COMMD10: variants seen among roughly 807,000 people sequenced by gnomAD.
The protein encoded by COMMD10 is COMM domain containing 10.
COMMD10 carries 33 observed loss-of-function variants against 28.9 expected under a neutral mutation model. The ratio of observed to expected loss-of-function variants is 1.14; its 90% CI spans 0.87 to 1.53. The LOEUF is 1.53. Among genes scored for constraint, COMMD10 ranks in the 40% most tolerant of loss-of-function variants. The pLI, the probability that COMMD10 is intolerant of heterozygous loss-of-function variation, is 0.00. For missense variants in COMMD10, 310 were observed against 233.4 expected (o/e 1.33, Z -2.14); for synonymous variants, 110 against 81.7 (o/e 1.35, Z -1.87).
chr5:116,135,572 C>T (rs558601042), intron 5 of COMMD10, among the ~76,000 whole-genome samples: 152 of 152,210 alleles, frequency 1.0e-3, no homozygotes, highest in Non-Finnish European at 1.8e-3. Flanking sequence ...CAGTTACCCG[C>T]GGTCAACTGC....
At position 116,203,601 on chromosome 5, in the gene COMMD10, A is replaced by G. The variant is rs1215362296; in HGVS notation, c.510+69423A>G. Among the ~76,000 whole-genome samples the G allele has an allele frequency of 1.1e-4, 17 of 152,284 alleles. No homozygotes were observed. The East Asian group carries it at 3.3e-3, about 29-fold the overall frequency. On this transcript the variant is annotated intron_variant, in intron 5 of 6. Coordinates refer to ENST00000274458, the MANE Select transcript of COMMD10 (RefSeq NM_016144.4). ...GGCCAATATTCAACATTCTTAAAGAAAAGAATTTTCAACCCAGAATTTCAT... is the reference window on the plus strand; with the variant it reads ...GGCCAATATTCAACATTCTTAAAGAGAAGAATTTTCAACCCAGAATTTCAT...
chr5:116,106,376 C>T (rs1249379763), intron 4 of COMMD10, among the ~76,000 whole-genome samples: 1 of 152,042 alleles, frequency 6.6e-6, no homozygotes, highest in African/African-American at 2.4e-5. Context: ...TGTTCTTTTG[C>T]ATTTGCTGAG....
intron 5 of COMMD10, among the ~76,000 whole-genome samples, chr5:116,253,847 G>T (rs1750197598): frequency 6.8e-6 from 1 of 147,248 alleles, no homozygotes; most frequent in Admixed American, 6.7e-5. Flanking sequence ...TTTTTCTATT[G>T]ATTGGAATAG....
At chr5:116,239,906 TACTTATA>T (rs975393122) in intron 5 of COMMD10, among the ~76,000 whole-genome samples, 3 of 152,150 alleles carry the variant, frequency 2.0e-5, no homozygotes, top group Admixed American at 2.0e-4. Flanking sequence ...TGGCACTATC[TACTTATA>T]ACTTATAACT....
intron 5 of COMMD10, among the ~76,000 whole-genome samples, chr5:116,236,479 G>A (rs563757569): frequency 1.4e-5 from 2 of 147,502 alleles, no homozygotes; most frequent in South Asian, 4.3e-4. Flanking sequence ...ACTCTAGCCT[G>A]GGTGACAAGA....
chr5:116,245,166 C>T (rs533714827), intron 5 of COMMD10, among the ~76,000 whole-genome samples: 23 of 151,976 alleles, frequency 1.5e-4, no homozygotes, highest in African/African-American at 5.5e-4. Context: ...TGATAAGGGG[C>T]GATTGCAACT....
intron 5 of COMMD10, among the ~76,000 whole-genome samples, chr5:116,158,902 G>C (rs1475894326): frequency 7.0e-6 from 1 of 143,578 alleles, no homozygotes; most frequent in Non-Finnish European, 1.5e-5. Flanking sequence ...CAGTTTTGTT[G>C]TGCTTGACAA....
intron 5 of COMMD10, among the ~76,000 whole-genome samples, chr5:116,278,790 C>G (rs1241895021): frequency 6.6e-6 from 1 of 151,680 alleles, no homozygotes; most frequent in Non-Finnish European, 1.5e-5. Context: ...GTGTGAGGTG[C>G]TACCTTTTTA....
intron 5 of COMMD10, among the ~76,000 whole-genome samples, chr5:116,167,492 G>A (rs1753165058): frequency 6.6e-6 from 1 of 151,996 alleles, no homozygotes; most frequent in Non-Finnish European, 1.5e-5. Flanking sequence ...GAAATACAGA[G>A]AACACCACAA....
rs185758106 is a variant in COMMD10 at position 116,157,413 on chromosome 5, T to A, written c.510+23235T>A. Among the ~76,000 whole-genome samples, 304 of 152,318 alleles carry A rather than the reference T, an allele frequency of 2.0e-3. 2 individuals carry two copies. Among genetic ancestry groups the A allele is most frequent in the African/African-American group, 7.0e-3 (289 of 41,578 alleles). ...GATCCAAGGCTGACTTGCTCATGTT[T>A]CAGCAGTTTGCCGGGTCTAGTTTGG... On this transcript the variant is annotated intron_variant, in intron 5 of 6. Transcript: ENST00000274458.
At chr5:116,238,055 T>C (rs766606980) in intron 5 of COMMD10, among the ~76,000 whole-genome samples, 1 of 152,194 alleles carries the variant, frequency 6.6e-6, no homozygotes, top group Non-Finnish European at 1.5e-5. Context: ...ATATGGCTCA[T>C]GTTGCACAAA....
intron 5 of COMMD10, among the ~76,000 whole-genome samples, chr5:116,170,181 C>T (rs1036091630): frequency 1.3e-5 from 2 of 152,068 alleles, no homozygotes; most frequent in Non-Finnish European, 2.9e-5. Context: ...ACAAGCATTC[C>T]TATACACCAA....
At chr5:116,135,243 G>A (rs1325323089) in intron 5 of COMMD10, among the ~76,000 whole-genome samples, 1 of 152,000 alleles carries the variant, frequency 6.6e-6, no homozygotes, top group Non-Finnish European at 1.5e-5. Context: ...ATAGAATAAT[G>A]GAAGAAATGT....
chr5:116,198,143 G>C (rs975995613), intron 5 of COMMD10, among the ~76,000 whole-genome samples: 6 of 152,098 alleles, frequency 3.9e-5, no homozygotes, highest in African/African-American at 1.4e-4. Context: ...CTCTTAAGCA[G>C]AAAGACCTTA....
chr5:116,156,237 G>C lies in COMMD10; in HGVS notation c.510+22059G>C, dbSNP rs191126248. Among the ~76,000 whole-genome samples, 437 of 152,228 alleles carry C rather than the reference G, an allele frequency of 2.9e-3. 4 individuals carry two copies. The highest frequency in any genetic ancestry group is 4.6e-3 in the Admixed American group (71 of 15,280). Reference sequence around the variant, plus strand: ...GGACCAGTGGTGGCACTGGTATGTAGTAAAAACAGTACAGGGTTTGTTATC... The same window carrying C: ...GGACCAGTGGTGGCACTGGTATGTACTAAAAACAGTACAGGGTTTGTTATC... On this transcript the variant is annotated intron_variant, in intron 5 of 6. Coordinates refer to ENST00000274458, the MANE Select transcript of COMMD10 (RefSeq NM_016144.4).
chr5:116,254,211 G>A (rs1191332164), intron 5 of COMMD10, among the ~76,000 whole-genome samples: 2 of 151,892 alleles, frequency 1.3e-5, no homozygotes, highest in South Asian at 4.2e-4. Context: ...ATTCTTGCTA[G>A]CGGTCTATCA....
chr5:116,262,633 G>T (rs1580594259), intron 5 of COMMD10, among the ~76,000 whole-genome samples: 1 of 151,726 alleles, frequency 6.6e-6, no homozygotes, highest in South Asian at 2.1e-4. Context: ...GTAAGTGTTG[G>T]TTATTAAGTC....
chr5:116,233,132 G>T (rs1316174841), intron 5 of COMMD10, among the ~76,000 whole-genome samples: 1 of 152,074 alleles, frequency 6.6e-6, no homozygotes, highest in Non-Finnish European at 1.5e-5. Flanking sequence ...TATTTTTGGG[G>T]TTTTACTTTT....
At chr5:116,241,629 T>TA (rs1749815929) in intron 5 of COMMD10, among the ~76,000 whole-genome samples, 2 of 150,282 alleles carry the variant, frequency 1.3e-5, no homozygotes, top group African/African-American at 2.5e-5. Flanking sequence ...TTTATTTATT[T>TA]TGAGATGGAG....
Sources: gnomAD v4.1 joint callset for allele counts (sites outside exome capture counted in the v4.1 genomes callset) on GRCh38, gnomAD v4.1.1 for gene constraint, MANE v1.5 for transcripts, NCBI Gene and HGNC (gene_info 2026-07-23, HGNC 2026-07-21) for gene names.